Variants in SUMF1 observed in about 807,000 individuals in gnomAD.
The protein encoded by SUMF1 is sulfatase modifying factor 1, also known as formylglycine-generating enzyme.
SUMF1 carries 48 observed loss-of-function variants against 47.6 expected under a neutral mutation model. That is an observed-to-expected ratio of 1.01 (90% CI 0.80 to 1.28). SUMF1 has a LOEUF of 1.28. SUMF1 is among the 50% of genes most tolerant of loss of function. The pLI is 0.00. For synonymous variants in SUMF1, 230 were observed against 192.1 expected, an observed-to-expected ratio of 1.20 and a Z score of -1.63; for missense variants, 571 against 485.4, an observed-to-expected ratio of 1.18 and a Z score of -1.66.
chr3:4,302,858 G>A (rs951313408), intron 8 of SUMF1, among the ~76,000 whole-genome samples: 2 of 152,124 alleles, frequency 1.3e-5, no homozygotes, highest in African/African-American at 2.4e-5. Flanking sequence ...GACAGGCAAA[G>A]GGGCACGGAT....
At chr3:4,342,933 T>G (rs558915354) in intron 8 of SUMF1, among the ~76,000 whole-genome samples, 9 of 152,350 alleles carry the variant, frequency 5.9e-5, no homozygotes, top group Admixed American at 1.3e-4. Context: ...GTCCTCATTT[T>G]ACAGATAATG....
chr3:4,204,268 T>C (rs1695603601), intron 8 of SUMF1, among the ~76,000 whole-genome samples: 1 of 152,122 alleles, frequency 6.6e-6, no homozygotes, highest in South Asian at 2.1e-4. Flanking sequence ...TGTTCTAGGA[T>C]AATTTTTTTA....
At position 4,083,068 on chromosome 3, in the gene SUMF1, G is replaced by A. The variant is rs1274500875; in HGVS notation, c.1015-14323C>T. Among the ~76,000 whole-genome samples, 3 of 152,110 alleles carry A rather than the reference G, an allele frequency of 2.0e-5. No individual in the cohort carries two copies. In the East Asian group the frequency reaches 5.8e-4, roughly 29 times the overall value. On this transcript the variant is annotated intron_variant and NMD_transcript_variant, in intron 8 of 12. Transcript: ENST00000448413. ...GTCTAGAACATTAGAGACAATGGCAGGCCCTCCGGCTAGATCAAAGTGCAC... is the reference window on the plus strand; with the variant it reads ...GTCTAGAACATTAGAGACAATGGCAAGCCCTCCGGCTAGATCAAAGTGCAC...
rs184036489 is a variant in SUMF1, at chr3:4,393,494, G to A, written c.955-17105C>T. ...ACTACAGGCATATGCCACCACACTC[G>A]CCTAATATTTTATTTTTTTATAGAG... On this transcript the variant is annotated intron_variant, in intron 7 of 8. Coordinates refer to ENST00000272902, the MANE Select transcript of SUMF1 (RefSeq NM_182760.4). Among the ~76,000 whole-genome samples, 75 of 151,952 alleles carry A rather than the reference G, an allele frequency of 4.9e-4. 1 individual carries two copies. The highest frequency in any genetic ancestry group is 1.7e-3 in the African/African-American group (70 of 41,430).
At chr3:4,365,783 C>G (rs1441467249) in intron 8 of SUMF1, among the ~76,000 whole-genome samples, 1 of 149,904 alleles carries the variant, frequency 6.7e-6, no homozygotes, top group Admixed American at 6.7e-5. Context: ...TGATTTTGCT[C>G]GTTAGTTGAT....
intron 8 of SUMF1, among the ~76,000 whole-genome samples, chr3:4,131,863 T>A (rs1693799039): frequency 6.6e-6 from 1 of 152,146 alleles, no homozygotes; most frequent in Non-Finnish European, 1.5e-5. Context: ...GCCACCTCTG[T>A]CATTGCCCAG....
intron 8 of SUMF1, among the ~76,000 whole-genome samples, chr3:4,224,717 T>C (rs1420970617): frequency 6.6e-6 from 1 of 150,758 alleles, no homozygotes; most frequent in East Asian, 1.9e-4. Flanking sequence ...TCTCTGGGCA[T>C]GAAAAAAAAA....
At chr3:4,303,233 G>C (rs993542500) in intron 8 of SUMF1, 9 of 915,072 alleles carry the variant, frequency 9.8e-6, no homozygotes, top group Non-Finnish European at 1.4e-5. Flanking sequence ...TCAAGGAAGG[G>C]AAGCGCCTTC....
chr3:4,190,039 TC>T (rs1357174754), intron 8 of SUMF1, among the ~76,000 whole-genome samples: 1 of 152,174 alleles, frequency 6.6e-6, no homozygotes, highest in East Asian at 1.9e-4. Context: ...ATTTAACTTT[TC>T]CAAATAACCA....
At chr3:4,374,483 T>C (rs1278471554) in intron 8 of SUMF1, among the ~76,000 whole-genome samples, 4 of 152,144 alleles carry the variant, frequency 2.6e-5, no homozygotes, top group African/African-American at 9.7e-5. Context: ...AACATGAAAG[T>C]AGATACATTC....
At chr3:4,210,468 C>T (rs776922999) in intron 8 of SUMF1, among the ~76,000 whole-genome samples, 2 of 152,098 alleles carry the variant, frequency 1.3e-5, no homozygotes, top group Non-Finnish European at 2.9e-5. Flanking sequence ...GAATTAGACC[C>T]ACACATATTG....
intron 9 of SUMF1, among the ~76,000 whole-genome samples, chr3:4,036,616 T>C (rs1694801405): frequency 9.3e-5 from 1 of 10,768 alleles, no homozygotes; most frequent in East Asian, 4.5e-3. Context: ...AATGAATCCA[T>C]TAAAAAAAAA....
Position 4,362,030 on chromosome 3 carries a change from G to A in SUMF1, c.*114C>T. 9.6e-7 allele frequency: 1 copy of A among 1,045,170 alleles called. No homozygotes were observed. Among genetic ancestry groups the A allele is most frequent in the Non-Finnish European group, 1.4e-6 (1 of 690,068 alleles). The allele number at this position is 1,045,170 out of a possible 1,614,324, so 64.7% of individuals were successfully genotyped here. A position where few individuals can be genotyped will look rare whatever the true frequency, so the allele number is the denominator to read the frequency against. On this transcript the variant is annotated 3_prime_UTR_variant, in exon 9 of 9. Transcript: ENST00000272902. ...GTTCCTTTGGCCATTGGGCAGGTAT[G>A]TAACCCACCTCAGGGTGGGAATTCT... is the stretch of plus-strand genomic sequence containing the variant.
At chr3:4,430,856 G>T (rs1262234159) in intron 3 of SUMF1, among the ~76,000 whole-genome samples, 15 of 152,132 alleles carry the variant, frequency 9.9e-5, no homozygotes, top group Admixed American at 9.8e-4. Flanking sequence ...GGCAGGGCAG[G>T]AGTGGGAAGG....
chr3:4,406,309 T>C (rs1701373730), intron 7 of SUMF1, among the ~76,000 whole-genome samples: 1 of 152,190 alleles, frequency 6.6e-6, no homozygotes, highest in African/African-American at 2.4e-5. Flanking sequence ...TCCTTTAATA[T>C]TAAGTGGCAG....
intron 8 of SUMF1, among the ~76,000 whole-genome samples, chr3:4,250,511 G>A (rs313678): frequency 0.66 from 99,869 of 151,902 alleles, 34,065 homozygotes; most frequent in African/African-American, 0.84. Context: ...TAGCGACACT[G>A]AACAACAGAT....
At chr3:4,464,196 C>T (rs1412540112) in intron 1 of SUMF1, among the ~76,000 whole-genome samples, 1 of 152,210 alleles carries the variant, frequency 6.6e-6, no homozygotes, top group African/African-American at 2.4e-5. Context: ...TACTATTCTC[C>T]TTCTTGGAAT....
chr3:4,407,590 C>T (rs1001045642), intron 7 of SUMF1, among the ~76,000 whole-genome samples: 12 of 152,136 alleles, frequency 7.9e-5, no homozygotes, highest in African/African-American at 2.9e-4. Flanking sequence ...TAATTATATA[C>T]AGGTTCTTTG....
intron 8 of SUMF1, among the ~76,000 whole-genome samples, chr3:4,317,964 GA>G (rs1698728425): frequency 6.6e-6 from 1 of 152,100 alleles, no homozygotes; most frequent in Non-Finnish European, 1.5e-5. Context: ...CTTAAAGGGG[GA>G]AAAAGTCACT....
Sources: allele counts gnomAD v4.1 joint callset (sites outside exome capture counted in the v4.1 genomes callset), GRCh38; gene constraint gnomAD v4.1.1; transcripts MANE v1.5; gene names NCBI Gene and HGNC (gene_info 2026-07-23, HGNC 2026-07-21).